PRMT8: variants seen among roughly 807,000 people sequenced by gnomAD.
The protein encoded by PRMT8 is protein arginine N-methyltransferase 8.
Under a neutral mutation model 47.1 loss-of-function variants are expected in PRMT8, and 7 were observed. The ratio of observed to expected loss-of-function variants is 0.15; its 90% CI spans 0.08 to 0.28. PRMT8 has a LOEUF of 0.28. Ranked by LOEUF, PRMT8 falls within the 10% of genes least tolerant of loss-of-function variation. The pLI is 1.00. For missense variants in PRMT8, 237 were observed against 505.4 expected, an observed-to-expected ratio of 0.47 and a Z score of 5.09; for synonymous variants, 188 against 186.5, an observed-to-expected ratio of 1.01 and a Z score of -0.07.
intron 1 of PRMT8, among the ~76,000 whole-genome samples, chr12:3,397,197 C>T (rs199750552): frequency 6.6e-6 from 1 of 151,908 alleles, no homozygotes. Flanking sequence ...TCGTCTGAAG[C>T]CTTCTTCTCA....
Position 3,492,049 on chromosome 12 carries a change from C to G in PRMT8, c.75+349C>G, listed in dbSNP as rs1865422813. On this transcript the variant is annotated intron_variant, in intron 1 of 9. Coordinates refer to ENST00000382622, the MANE Select transcript of PRMT8 (RefSeq NM_019854.5). The surrounding 1 kb of genome is among the most constrained non-coding windows in gnomAD (Gnocchi z 7.5). The stretch of plus-strand genomic sequence containing the variant: ...CAGCCGCGCTCCCCTGCCCTCTCCT[C>G]TGGGCTCCGTGAGGGCTCCCGGGTC... 1.3e-5 allele frequency among the ~76,000 whole-genome samples: 2 copies of G among 152,236 alleles called. No homozygotes were observed. The highest frequency in any genetic ancestry group is 4.8e-5 in the African/African-American group (2 of 41,552).
intron 1 of PRMT8, among the ~76,000 whole-genome samples, chr12:3,386,618 T>G (rs995028895): frequency 6.6e-6 from 1 of 152,196 alleles, no homozygotes; most frequent in African/African-American, 2.4e-5. Context: ...TCAACAATGA[T>G]TTAGTGAATA....
chr12:3,484,500 T>A (rs1039966520), intron 1 of PRMT8, among the ~76,000 whole-genome samples: 1 of 152,224 alleles, frequency 6.6e-6, no homozygotes, highest in African/African-American at 2.4e-5. Flanking sequence ...TACGGTCTTT[T>A]AGGACGAGCT....
chr12:3,516,620 T>C (rs879717929), intron 1 of PRMT8, among the ~76,000 whole-genome samples: 1 of 152,190 alleles, frequency 6.6e-6, no homozygotes, highest in Non-Finnish European at 1.5e-5. Context: ...GAGGGCATTC[T>C]GAAAAGGTGA....
chr12:3,533,496 G>C (rs903303100), intron 1 of PRMT8, among the ~76,000 whole-genome samples: 3 of 152,180 alleles, frequency 2.0e-5, no homozygotes, highest in South Asian at 4.1e-4. Flanking sequence ...GTATTTTATG[G>C]GTGGCCCAAG....
chr12:3,556,258 G>C (rs964381214), intron 4 of PRMT8, among the ~76,000 whole-genome samples: 1 of 152,072 alleles, frequency 6.6e-6, no homozygotes, highest in Non-Finnish European at 1.5e-5. Flanking sequence ...AGGTCACTTA[G>C]GGATGGTGTG....
At chr12:3,488,241 C>G (rs1266328436), upstream of PRMT8, among the ~76,000 whole-genome samples, 1 of 152,156 alleles carries the variant, frequency 6.6e-6, no homozygotes, top group Non-Finnish European at 1.5e-5. Flanking sequence ...TAAGACTTAG[C>G]AAGTGTTCTA....
At chr12:3,516,111 AT>A (rs2137135300) in intron 1 of PRMT8, among the ~76,000 whole-genome samples, 2 of 152,336 alleles carry the variant, frequency 1.3e-5, no homozygotes, top group African/African-American at 4.8e-5. Context: ...ATGGTGGAGC[AT>A]CTCAGAGCAG....
intron 2 of PRMT8, among the ~76,000 whole-genome samples, chr12:3,541,228 G>C (rs529084330): frequency 1.3e-5 from 2 of 152,186 alleles, no homozygotes; most frequent in Non-Finnish European, 2.9e-5. Flanking sequence ...GCACCTCCGG[G>C]GGAAGAGCTG....
chr12:3,412,903 A>G (rs952000788), intron 1 of PRMT8, among the ~76,000 whole-genome samples: 8 of 152,190 alleles, frequency 5.3e-5, no homozygotes, highest in Admixed American at 2.0e-4. Context: ...GTGAGCCACC[A>G]TGCCCAGCTG....
In PRMT8 at chr12:3,491,436, G is replaced by C. The variant is rs1565421275; in HGVS notation, c.-190G>C. 1.4e-6 allele frequency: 2 copies of C among 1,380,690 alleles called. No homozygotes were observed. Among genetic ancestry groups the C allele is most frequent in the South Asian group, 3.7e-5 (2 of 54,192 alleles). 85.5% of individuals were successfully genotyped at this position (1,380,690 alleles called of 1,614,324 possible). A position where few individuals can be genotyped will look rare whatever the true frequency, so the allele number is the denominator to read the frequency against. On this transcript the variant is annotated 5_prime_UTR_variant, in exon 1 of 10. Transcript: ENST00000382622. The stretch of plus-strand genomic sequence containing the variant: ...AAGGAATCCGGAGCAGATGAGAAGG[G>C]AGGAAAATAAAAGAAAGTGGAGACT...
intron 1 of PRMT8, among the ~76,000 whole-genome samples, chr12:3,516,209 C>G (rs1334198353): frequency 1.3e-5 from 2 of 152,194 alleles, no homozygotes; most frequent in Non-Finnish European, 2.9e-5. Context: ...TATGGAGCTA[C>G]CTGGCATGTG....
chr12:3,549,220 C>A (rs1866376265), intron 2 of PRMT8, among the ~76,000 whole-genome samples: 1 of 152,106 alleles, frequency 6.6e-6, no homozygotes. Context: ...TTTGTCAAAG[C>A]CCTTTTACTG....
At chr12:3,555,803 T>C (rs11614792) in intron 4 of PRMT8, among the ~76,000 whole-genome samples, 11,079 of 100,972 alleles carry the variant, frequency 0.11, 161 homozygotes, top group East Asian at 0.22. Flanking sequence ...GCATTGAGTG[T>C]GGGGATGAGA....
chr12:3,593,103 A>G lies in PRMT8; in HGVS notation c.1106A>G (p.Asp369Gly). ...SMKPNAKNVR[D>G]LDFTVDLDFK... ...CGCTCTCTCTCTGCCTTGCAGCGAG[A>G]CCTCGATTTCACAGTAGACTTGGAT... The change falls in exon 10 of 10, where the codon GAC becomes GGC. Residue 369 changes from aspartate to glycine, a missense_variant. Physicochemically the swap from Asp to Gly is moderately conservative, Grantham distance 94 (BLOSUM62 -1). This residue lies in a region of PRMT8 where 151 missense variants were observed against 341.1 expected (regional missense o/e 0.44). Coordinates refer to ENST00000382622, the MANE Select transcript of PRMT8 (RefSeq NM_019854.5). This position sits in a 1 kb window ranked among gnomAD's most constrained non-coding sequence, Gnocchi z 4.8. 1 of 1,613,892 alleles carries G rather than the reference A, an allele frequency of 6.2e-7. No individual in the cohort carries two copies. The highest frequency in any genetic ancestry group is 8.5e-7 in the Non-Finnish European group (1 of 1,179,922).
chr12:3,420,970 C>T (rs909008420), intron 1 of PRMT8, among the ~76,000 whole-genome samples: 4 of 152,156 alleles, frequency 2.6e-5, no homozygotes, highest in East Asian at 3.9e-4. Context: ...TGTTTTCAGT[C>T]GAGCTGGAAC....
chr12:3,424,596 A>G (rs886973739), intron 1 of PRMT8, among the ~76,000 whole-genome samples: 4 of 152,136 alleles, frequency 2.6e-5, no homozygotes, highest in African/African-American at 9.7e-5. Flanking sequence ...TGTATCATTT[A>G]CGAGTCCCTA....
At chr12:3,412,280 T>C (rs937997082) in intron 1 of PRMT8, among the ~76,000 whole-genome samples, 3 of 152,230 alleles carry the variant, frequency 2.0e-5, no homozygotes, top group African/African-American at 7.2e-5. Flanking sequence ...ATTGTACACC[T>C]GTACAGGGCA....
At chr12:3,462,295 T>C (rs1865050671) in intron 1 of PRMT8, among the ~76,000 whole-genome samples, 1 of 152,060 alleles carries the variant, frequency 6.6e-6, no homozygotes, top group Non-Finnish European at 1.5e-5. Context: ...TCAACCTAAA[T>C]GCCCTTCAAT....
Sources: allele counts gnomAD v4.1 joint callset (sites outside exome capture counted in the v4.1 genomes callset), GRCh38; gene constraint gnomAD v4.1.1; regional missense constraint gnomAD v4.1.1; non-coding constraint Gnocchi (gnomAD v3.1); transcripts MANE v1.5; gene names NCBI Gene and HGNC (gene_info 2026-07-23, HGNC 2026-07-21).